Variants in CRKL observed in about 807,000 individuals in gnomAD.
CRKL encodes CRK like proto-oncogene, adaptor protein.
Under a neutral mutation model 23.0 loss-of-function variants are expected in CRKL, and 3 were observed. The observed-to-expected ratio is 0.13, with a 90% CI of 0.06 to 0.34. CRKL has a LOEUF of 0.34. CRKL is among the 10% of genes least tolerant of loss of function. The probability of loss-of-function intolerance (pLI) is 1.00; values close to 1 mark genes in which losing one functional copy is unlikely to be tolerated. For missense variants in CRKL, 256 were observed against 394.5 expected (o/e 0.65, Z 2.97); for synonymous variants, 188 against 160.7 (o/e 1.17, Z -1.28).
At position 20,950,910 on chromosome 22, in the gene CRKL, AAAT is replaced by A; in HGVS notation, c.*1069_*1071del. On this transcript the variant is annotated 3_prime_UTR_variant, in exon 3 of 3. Coordinates refer to ENST00000354336, the MANE Select transcript of CRKL (RefSeq NM_005207.4). ...TTTGCCATGTAGCAGACAACACACA[AAAT>A]AATGCAGTTGTGGTGTGCCATGCTA... 1 of 232,204 alleles carries A rather than the reference AAAT, an allele frequency of 4.3e-6. No individual in the cohort carries two copies. The highest frequency in any genetic ancestry group is 2.2e-5 in the African/African-American group (1 of 45,402). The allele number at this position is 232,204 out of a possible 1,614,324, so 14.4% of individuals were successfully genotyped here.
Position 20,918,067 on chromosome 22 carries a change from C to T in CRKL, c.133C>T (p.Pro45Ser). 1 of 1,614,266 alleles carries T rather than the reference C, an allele frequency of 6.2e-7. No homozygotes were observed. Among genetic ancestry groups the T allele is most frequent in the Non-Finnish European group, 8.5e-7 (1 of 1,180,046 alleles). ...MFLVRDSSTC[P>S]GDYVLSVSEN... ...CCTCGTCCGCGATTCTTCCACCTGC[C>T]CTGGGGACTATGTGCTGTCGGTGTC... The change falls in exon 1 of 3, where the codon CCT (proline) becomes TCT (serine). Residue 45 changes from proline (P) to serine (S), a missense_variant. By Grantham distance (74) the Pro-to-Ser change is moderately conservative. This residue lies in a region of CRKL where 85 missense variants were observed against 139.8 expected (regional missense o/e 0.61). Transcript: ENST00000354336.
chr22:20,926,955 A>G (rs1921224430), intron 1 of CRKL, among the ~76,000 whole-genome samples: 1 of 151,356 alleles, frequency 6.6e-6, no homozygotes, highest in Non-Finnish European at 1.5e-5. Flanking sequence ...CTACTAAAAT[A>G]TAAAAAATTA....
intron 1 of CRKL, among the ~76,000 whole-genome samples, chr22:20,921,071 G>A (rs1211099632): frequency 6.6e-6 from 1 of 152,178 alleles, no homozygotes; most frequent in Non-Finnish European, 1.5e-5. Context: ...CATGTTATTA[G>A]CCTTTTATAG....
chr22:20,927,111 C>CA (rs371278201), intron 1 of CRKL, among the ~76,000 whole-genome samples: 633 of 48,478 alleles, frequency 0.013, 53 homozygotes, highest in African/African-American at 0.051. Context: ...GACTCCGTCT[C>CA]AAAAAAAAAA....
intron 2 of CRKL, among the ~76,000 whole-genome samples, chr22:20,946,659 A>G (rs1032512410): frequency 1.8e-4 from 27 of 151,992 alleles, no homozygotes; most frequent in African/African-American, 6.5e-4. Flanking sequence ...CTATACTTTC[A>G]GGGATCATTT....
At chr22:20,930,000 C>T (rs778680902) in intron 1 of CRKL, among the ~76,000 whole-genome samples, 4 of 152,102 alleles carry the variant, frequency 2.6e-5, no homozygotes, top group Non-Finnish European at 5.9e-5. Context: ...GAATATAGGG[C>T]AGAGGACTTG....
chr22:20,952,366 T>C lies in CRKL; in HGVS notation c.*2521T>C. 4.4e-6 allele frequency: 1 copy of C among 229,594 alleles called. No individual in the cohort carries two copies. Among genetic ancestry groups the C allele is most frequent in the Admixed American group, 5.7e-5 (1 of 17,610 alleles). The allele number at this position is 229,594 out of a possible 1,614,324, so 14.2% of individuals were successfully genotyped here. ...TGGTTTGGTTTTATAATTAATCAGC[T>C]CGTTACTTCAGCCCATGAAAATGGC... On this transcript the variant is annotated 3_prime_UTR_variant, in exon 3 of 3. Coordinates refer to ENST00000354336, the MANE Select transcript of CRKL (RefSeq NM_005207.4).
At chr22:20,931,252 T>A (rs1921443120) in intron 1 of CRKL, among the ~76,000 whole-genome samples, 1 of 151,880 alleles carries the variant, frequency 6.6e-6, no homozygotes, top group South Asian at 2.1e-4. Context: ...ACAGAAAATT[T>A]AAAAATTGGC....
intron 1 of CRKL, among the ~76,000 whole-genome samples, chr22:20,922,716 C>A (rs541899918): frequency 2.8e-4 from 43 of 152,186 alleles, no homozygotes; most frequent in Non-Finnish European, 5.3e-4. Flanking sequence ...CCTCTGTCCC[C>A]CAGGCTGTAG....
chr22:20,919,603 CT>C (rs1418644318), intron 1 of CRKL, among the ~76,000 whole-genome samples: 1 of 152,070 alleles, frequency 6.6e-6, no homozygotes, highest in Non-Finnish European at 1.5e-5. Context: ...TCAGAGGTTT[CT>C]TTTATTTAAA....
intron 1 of CRKL, among the ~76,000 whole-genome samples, chr22:20,924,938 C>A (rs1921140727): frequency 6.6e-6 from 1 of 152,132 alleles, no homozygotes; most frequent in Admixed American, 6.5e-5. Context: ...GCCTGTAATC[C>A]CAGCACTGTG....
chr22:20,925,827 C>T (rs1431342126), intron 1 of CRKL, among the ~76,000 whole-genome samples: 1 of 151,880 alleles, frequency 6.6e-6, no homozygotes, highest in Admixed American at 6.6e-5. Context: ...CTTTCAGAAA[C>T]AAAAAAGGAG....
chr22:20,917,816 C>T lies in CRKL; in HGVS notation c.-119C>T. ...AAGTGCTGGCCCAGCCCTCTGAGCG[C>T]TCCTCGAGGTGTGCGAGAGGCCCTT... On this transcript the variant is annotated 5_prime_UTR_variant, in exon 1 of 3. Transcript: ENST00000354336. The T allele has an allele frequency of 1.0e-6, 1 of 977,276 alleles. No homozygotes were observed. Among genetic ancestry groups the T allele is most frequent in the Non-Finnish European group, 1.5e-6 (1 of 672,348 alleles). 60.5% of individuals were successfully genotyped at this position (977,276 alleles called of 1,614,324 possible).
chr22:20,939,368 G>A (rs1470330870), intron 2 of CRKL, among the ~76,000 whole-genome samples: 1 of 151,130 alleles, frequency 6.6e-6, no homozygotes, highest in Non-Finnish European at 1.5e-5. Flanking sequence ...AGCCTCCGGA[G>A]TAGCTGGGAC....
chr22:20,925,285 A>G (rs1921158547), intron 1 of CRKL, among the ~76,000 whole-genome samples: 1 of 151,970 alleles, frequency 6.6e-6, no homozygotes, highest in Admixed American at 6.6e-5. Flanking sequence ...TTGTGACCTA[A>G]ATTTTTCCTT....
At chr22:20,933,650 A>C in intron 1 of CRKL, 129 bp from the exon 2 acceptor site, 1 of 796,836 alleles carries the variant, frequency 1.3e-6, no homozygotes, top group African/African-American at 1.7e-5. Flanking sequence ...CCTGGGCGAC[A>C]AGAGCAAAAC....
At chr22:20,925,085 G>A (rs1921147862) in intron 1 of CRKL, among the ~76,000 whole-genome samples, 2 of 151,674 alleles carry the variant, frequency 1.3e-5, no homozygotes, top group Admixed American at 6.6e-5. Flanking sequence ...CTACTCCGGA[G>A]GTTGAGACAG....
intron 2 of CRKL, among the ~76,000 whole-genome samples, chr22:20,942,364 T>C (rs536885018): frequency 1.3e-5 from 2 of 152,326 alleles, no homozygotes; most frequent in South Asian, 2.1e-4. Flanking sequence ...CTGGGCAACA[T>C]AGTGAGACTC....
chr22:20,920,549 GA>G (rs1920981055), intron 1 of CRKL, among the ~76,000 whole-genome samples: 1 of 151,994 alleles, frequency 6.6e-6, no homozygotes, highest in Non-Finnish European at 1.5e-5. Flanking sequence ...CTAGAGGAAG[GA>G]AAAGAAGTAT....
Sources: gnomAD v4.1 joint callset for allele counts (sites outside exome capture counted in the v4.1 genomes callset) on GRCh38, gnomAD v4.1.1 for gene constraint, gnomAD v4.1.1 regional missense constraint, MANE v1.5 for transcripts, NCBI Gene and HGNC (gene_info 2026-07-23, HGNC 2026-07-21) for gene names.